Variants in ANK3 observed in about 807,000 individuals in gnomAD.
ANK3 encodes ankyrin-3.
In ANK3, 57 loss-of-function variants were observed where a neutral mutation model predicts 370.9. The ratio of observed to expected loss-of-function variants is 0.15; its 90% CI spans 0.12 to 0.19. The LOEUF is 0.19. ANK3 is among the 10% of genes least tolerant of loss of function. The pLI, the probability that ANK3 is intolerant of heterozygous loss-of-function variation, is 1.00. For synonymous variants in ANK3, 1,929 were observed against 1,946.3 expected (o/e 0.99, Z 0.23); for missense variants, 4,439 against 5,302.1 (o/e 0.84, Z 5.06).
intron 1 of ANK3, among the ~76,000 whole-genome samples, chr10:60,657,092 A>G (rs1437162988): frequency 6.6e-6 from 1 of 152,238 alleles, no homozygotes; most frequent in Non-Finnish European, 1.5e-5. Context: ...GAGAGCAAGG[A>G]GGAGCAAGTC....
chr10:60,088,301 T>G lies in ANK3; in HGVS notation c.3386A>C (p.Asp1129Ala), dbSNP rs1240471979. Reference sequence around the variant, plus strand: ...AACCACTGCAAAATACTGGGGGAAATCTTTCGTGATAATCCTGCAGATACG... The same window carrying G: ...AACCACTGCAAAATACTGGGGGAAAGCTTTCGTGATAATCCTGCAGATACG... ...KKRICRIITK[D>A]FPQYFAVVSR... The change falls in exon 29 of 44, where the codon GAT becomes GCT. Residue 1129 changes from aspartate to alanine, a missense_variant. Physicochemically the swap from Asp to Ala is moderately radical, Grantham distance 126 (BLOSUM62 -2). This residue lies in a region of ANK3 where 702 missense variants were observed against 941.5 expected (regional missense o/e 0.75). Transcript: ENST00000280772. 3.1e-6 allele frequency: 5 copies of G among 1,614,234 alleles called. No homozygotes were observed. In the South Asian group the frequency reaches 5.5e-5, roughly 18 times the overall value.
At chr10:60,558,312 A>C (rs1014187263) in intron 2 of ANK3, among the ~76,000 whole-genome samples, 1 of 152,240 alleles carries the variant, frequency 6.6e-6, no homozygotes, top group African/African-American at 2.4e-5. Flanking sequence ...AAATACAAAC[A>C]GTTGTGGCAA....
upstream of ANK3, among the ~76,000 whole-genome samples, chr10:60,391,497 C>T (rs2063095784): frequency 6.6e-6 from 1 of 150,864 alleles, no homozygotes; most frequent in East Asian, 1.9e-4. Flanking sequence ...ATTAAAACTT[C>T]GTATGCATTT....
At chr10:60,456,767 C>G (rs775170736) in intron 2 of ANK3, among the ~76,000 whole-genome samples, 1 of 152,160 alleles carries the variant, frequency 6.6e-6, no homozygotes, top group Non-Finnish European at 1.5e-5. Context: ...GACTCAAGTC[C>G]TGGCTTATGA....
At chr10:60,465,262 A>C (rs2064982718) in intron 2 of ANK3, among the ~76,000 whole-genome samples, 1 of 126,504 alleles carries the variant, frequency 7.9e-6, no homozygotes, top group Admixed American at 8.2e-5. Context: ...AGACCTAGTC[A>C]CCAAAAAAAA....
intron 1 of ANK3, among the ~76,000 whole-genome samples, chr10:60,685,837 T>C (rs1344691339): frequency 6.6e-6 from 1 of 152,074 alleles, no homozygotes; most frequent in Non-Finnish European, 1.5e-5. Context: ...TTAATGAAAA[T>C]GTCAAACTCA....
intron 2 of ANK3, among the ~76,000 whole-genome samples, chr10:60,517,170 T>C (rs2076239611): frequency 6.6e-6 from 1 of 152,108 alleles, no homozygotes; most frequent in Admixed American, 6.6e-5. Context: ...GTTCAAGCAA[T>C]TTTCCTGCCT....
At chr10:60,409,470 C>T (rs1156844764) in intron 2 of ANK3, among the ~76,000 whole-genome samples, 1 of 152,148 alleles carries the variant, frequency 6.6e-6, no homozygotes, top group Non-Finnish European at 1.5e-5. Context: ...AAGATGTATA[C>T]ATAAAGAAGT....
chr10:60,451,998 GCT>G (rs2064618264), intron 2 of ANK3, among the ~76,000 whole-genome samples: 1 of 152,216 alleles, frequency 6.6e-6, no homozygotes, highest in Non-Finnish European at 1.5e-5. Context: ...AGGCGCATTC[GCT>G]CTGTCTCGCT....
chr10:60,684,409 G>A lies in ANK3; in HGVS notation c.57+48854C>T, dbSNP rs1275486196. 1.3e-5 allele frequency: 9 copies of A among 684,248 alleles called. No homozygotes were observed. The East Asian group carries it at 3.1e-4, about 23-fold the overall frequency. 42.4% of individuals were successfully genotyped at this position (684,248 alleles called of 1,614,324 possible). On this transcript the variant is annotated intron_variant, in intron 1 of 43. Transcript: ENST00000373827. Reference sequence around the variant, plus strand: ...CGTTGAGTGAAGGGGAGGGAAGGATGGTTAGTCAATCTTATAGTTGGATCA... The same window carrying A: ...CGTTGAGTGAAGGGGAGGGAAGGATAGTTAGTCAATCTTATAGTTGGATCA...
intron 2 of ANK3, among the ~76,000 whole-genome samples, chr10:60,476,277 G>A (rs1312191949): frequency 6.6e-6 from 1 of 152,142 alleles, no homozygotes; most frequent in Non-Finnish European, 1.5e-5. Context: ...AGGAACAAAA[G>A]GAGGAGCCTT....
intron 2 of ANK3, among the ~76,000 whole-genome samples, chr10:60,491,577 G>A (rs747942115): frequency 4.6e-5 from 7 of 152,208 alleles, no homozygotes; most frequent in Non-Finnish European, 1.0e-4. Context: ...ATGTGAATAA[G>A]AATTGCTCCA....
At chr10:60,054,726 T>C (rs1388177374) in intron 42 of ANK3, among the ~76,000 whole-genome samples, 1 of 152,158 alleles carries the variant, frequency 6.6e-6, no homozygotes, top group Non-Finnish European at 1.5e-5. Context: ...AAAAGACTTG[T>C]TTTTTCCTCC....
At chr10:60,329,151 T>C (rs2050607320) in intron 1 of ANK3, among the ~76,000 whole-genome samples, 1 of 152,180 alleles carries the variant, frequency 6.6e-6, no homozygotes, top group African/African-American at 2.4e-5. Flanking sequence ...ATAAGAGCTA[T>C]CTATGACAAA....
At chr10:60,060,186 C>CA in intron 40 of ANK3, 2 of 459,040 alleles carry the variant, frequency 4.4e-6, no homozygotes. Flanking sequence ...AAGCCTAGTG[C>CA]AAACTCCAAT....
chr10:60,504,559 T>C (rs1464606868), intron 2 of ANK3, among the ~76,000 whole-genome samples: 1 of 152,144 alleles, frequency 6.6e-6, no homozygotes, highest in Non-Finnish European at 1.5e-5. Flanking sequence ...ATGACATTAG[T>C]TACTAAACAA....
chr10:60,300,924 T>C (rs1429282064), intron 1 of ANK3, among the ~76,000 whole-genome samples: 2 of 152,072 alleles, frequency 1.3e-5, no homozygotes, highest in Non-Finnish European at 2.9e-5. Flanking sequence ...CCTACAGTTA[T>C]ATACACACTC....
At chr10:60,551,580 CTA>C (rs1305894293) in intron 2 of ANK3, among the ~76,000 whole-genome samples, 1 of 152,124 alleles carries the variant, frequency 6.6e-6, no homozygotes, top group African/African-American at 2.4e-5. Context: ...TTATTTACTA[CTA>C]TGTTTAATCA....
intron 23 of ANK3, among the ~76,000 whole-genome samples, chr10:60,159,624 T>C (rs961592394): frequency 2.0e-5 from 3 of 152,100 alleles, no homozygotes; most frequent in Non-Finnish European, 2.9e-5. Flanking sequence ...CATTATTTCC[T>C]TAGCACATGG....
Sources: allele counts gnomAD v4.1 joint callset (sites outside exome capture counted in the v4.1 genomes callset), GRCh38; gene constraint gnomAD v4.1.1; regional missense constraint gnomAD v4.1.1; transcripts MANE v1.5; gene names NCBI Gene and HGNC (gene_info 2026-07-23, HGNC 2026-07-21).